Variants in DHRSX observed in about 807,000 individuals in gnomAD.
The protein encoded by DHRSX is polyprenol dehydrogenase.
Under a neutral mutation model 34.0 loss-of-function variants are expected in DHRSX, and 31 were observed. The ratio of observed to expected loss-of-function variants is 0.91; its 90% CI spans 0.69 to 1.23. The LOEUF (loss-of-function observed/expected upper bound fraction) is 1.23. DHRSX is among the 50% of genes most tolerant of loss of function. The pLI is 0.00. For missense variants in DHRSX, 414 were observed against 428.1 expected (o/e 0.97, Z 0.29); for synonymous variants, 201 against 183.8 (o/e 1.09, Z -0.76).
intron 3 of DHRSX, among the ~76,000 whole-genome samples, chrX:2,370,788 TCA>T (rs2043048648): frequency 1.3e-5 from 2 of 151,990 alleles, no homozygotes; most frequent in African/African-American, 4.8e-5. Flanking sequence ...TCTCCTCCTA[TCA>T]GGCCCCGGGA....
intron 4 of DHRSX, among the ~76,000 whole-genome samples, chrX:2,273,660 T>C (rs2041586915): frequency 6.6e-6 from 1 of 152,224 alleles, no homozygotes; most frequent in African/African-American, 2.4e-5. Flanking sequence ...CAAGAGTTTC[T>C]GCTCTTCCCA....
intron 3 of DHRSX, among the ~76,000 whole-genome samples, chrX:2,394,737 G>A (rs920830115): frequency 1.3e-5 from 2 of 152,088 alleles, no homozygotes; most frequent in African/African-American, 2.4e-5. Context: ...GTGGTGGCAC[G>A]TGCCTGTAGT....
intron 1 of DHRSX, among the ~76,000 whole-genome samples, chrX:2,464,346 G>C (rs1263192043): frequency 1.2e-5 from 1 of 80,302 alleles, no homozygotes; most frequent in Non-Finnish European, 2.8e-5. Flanking sequence ...ATCCGGCCAA[G>C]GGCCGCTGAT....
At chrX:2,342,154 T>A (rs1055832258) in intron 3 of DHRSX, among the ~76,000 whole-genome samples, 1 of 152,134 alleles carries the variant, frequency 6.6e-6, no homozygotes, top group African/African-American at 2.4e-5. Flanking sequence ...AAGAGCTTCC[T>A]CTAGTCCTTG....
chrX:2,314,220 G>A (rs112790818), intron 3 of DHRSX, among the ~76,000 whole-genome samples: 1 of 15,348 alleles, frequency 6.5e-5, no homozygotes, highest in Non-Finnish European at 1.3e-4. Context: ...GAGGGAAGGA[G>A]GGAAGGAAGG....
At chrX:2,382,599 A>G in intron 3 of DHRSX, among the ~76,000 whole-genome samples, 1 of 148,678 alleles carries the variant, frequency 6.7e-6, no homozygotes, top group African/African-American at 2.5e-5. Context: ...CATCACCATC[A>G]TCACCATCAC....
rs188073678 is a variant in DHRSX, at chrX:2,397,689, G to A, written c.286+11056C>T. ...CATTAATTCTTATCTGTTAAATAGC[G>A]CGTAGAATTTGTGCCTCTAAACCCA... On this transcript the variant is annotated intron_variant, in intron 3 of 6. Transcript: ENST00000334651. Among the ~76,000 whole-genome samples the A allele has an allele frequency of 4.0e-3, 601 of 151,786 alleles. 1 individual carries two copies. The highest frequency in any genetic ancestry group is 0.013 in the Admixed American group (200 of 15,240).
chrX:2,240,147 G>A (rs2016107209), intron 6 of DHRSX, among the ~76,000 whole-genome samples: 2 of 151,978 alleles, frequency 1.3e-5, no homozygotes, highest in Admixed American at 1.3e-4. Context: ...ACAACACTTA[G>A]CCAGGCTTGA....
intron 2 of DHRSX, among the ~76,000 whole-genome samples, chrX:2,409,035 C>T (rs1434146294): frequency 6.6e-6 from 1 of 152,164 alleles, no homozygotes; most frequent in Non-Finnish European, 1.5e-5. Flanking sequence ...GCAAAAAGTA[C>T]AAATGCATTT....
At chrX:2,282,781 G>GGAGAGGGAGAAT in intron 4 of DHRSX, among the ~76,000 whole-genome samples, 1 of 52,150 alleles carries the variant, frequency 1.9e-5, no homozygotes, top group African/African-American at 6.8e-5. Context: ...AGGGAGGGAG[G>GGAGAGGGAGAAT]GGGAGAGAGA....
chrX:2,360,452 G>T (rs1173384984), intron 3 of DHRSX, among the ~76,000 whole-genome samples: 3 of 152,018 alleles, frequency 2.0e-5, no homozygotes, highest in African/African-American at 4.8e-5. Context: ...GTGTGGTGGT[G>T]CGTGCCTGTA....
At chrX:2,452,367 G>A (rs762168787) in intron 1 of DHRSX, among the ~76,000 whole-genome samples, 59 of 151,578 alleles carry the variant, frequency 3.9e-4, no homozygotes, top group African/African-American at 1.4e-3. Flanking sequence ...GTGGTCAAGG[G>A]ACCGCACTGA....
At chrX:2,456,296 G>A (rs2124681338) in intron 1 of DHRSX, among the ~76,000 whole-genome samples, 1 of 152,218 alleles carries the variant, frequency 6.6e-6, no homozygotes, top group Non-Finnish European at 1.5e-5. Context: ...GTTTATCTGC[G>A]AGTTTGTAAC....
chrX:2,243,014 G>C lies in DHRSX; in HGVS notation c.804+9C>G. ...GCAGCCGTGAATCAGAGAAGCAGAA[G>C]GGGCTTACCTTGAAAAGCAACCAGC... On this transcript the variant is annotated intron_variant, in intron 6 of 6. Coordinates refer to ENST00000334651, the MANE Select transcript of DHRSX (RefSeq NM_145177.3). The C allele has an allele frequency of 6.2e-7, 1 of 1,611,268 alleles. No homozygotes were observed.
At chrX:2,270,540 CACAG>C (rs1169597595) in intron 4 of DHRSX, among the ~76,000 whole-genome samples, 79 of 152,238 alleles carry the variant, frequency 5.2e-4, no homozygotes, top group Non-Finnish European at 9.9e-4. Context: ...GCGGAGGGCC[CACAG>C]AAGACTCAGC....
At chrX:2,432,295 A>C (rs1215977373) in intron 1 of DHRSX, among the ~76,000 whole-genome samples, 1 of 152,244 alleles carries the variant, frequency 6.6e-6, no homozygotes, top group Non-Finnish European at 1.5e-5. Context: ...GACCCAAGTC[A>C]ATATGCAAAT....
chrX:2,458,642 G>A, intron 1 of DHRSX, among the ~76,000 whole-genome samples: 1 of 151,866 alleles, frequency 6.6e-6, no homozygotes, highest in East Asian at 1.9e-4. Flanking sequence ...CATAAACGCA[G>A]AGAGTGCAAT....
Position 2,390,144 on chromosome X carries a change from C to CGTTT in DHRSX, c.286+18600_286+18601insAAAC, listed in dbSNP as rs1166056838. Among the ~76,000 whole-genome samples, 809 of 128,154 alleles carry CGTTT rather than the reference C, an allele frequency of 6.3e-3. 28 individuals carry two copies. The East Asian group carries it at 0.098, about 16-fold the overall frequency. 84.1% of individuals were successfully genotyped at this position (128,154 alleles called of 152,430 possible). A position where few individuals can be genotyped will look rare whatever the true frequency, so the allele number is the denominator to read the frequency against. The stretch of plus-strand genomic sequence containing the variant: ...ATAACATAAAGTTTAGCATTTTAAC[C>CGTTT]TTTTTTTTTTTTTTTTTTAATGGAG... On this transcript the variant is annotated intron_variant, in intron 3 of 6. Transcript: ENST00000334651.
chrX:2,361,436 G>C (rs943405303), intron 3 of DHRSX, among the ~76,000 whole-genome samples: 3 of 152,094 alleles, frequency 2.0e-5, no homozygotes, highest in Non-Finnish European at 4.4e-5. Context: ...TATCAGTAAT[G>C]CTATAATGAT....
Sources: gnomAD v4.1 joint callset for allele counts (sites outside exome capture counted in the v4.1 genomes callset) on GRCh38, gnomAD v4.1.1 for gene constraint, MANE v1.5 for transcripts, NCBI Gene and HGNC (gene_info 2026-07-23, HGNC 2026-07-21) for gene names.